AASS: variants seen among roughly 807,000 people sequenced by gnomAD.
AASS encodes the protein aminoadipate-semialdehyde synthase.
A neutral mutation model predicts 105.4 loss-of-function variants in AASS; 86 were observed. The observed-to-expected ratio is 0.82, with a 90% CI of 0.69 to 0.98. AASS has a LOEUF of 0.98. Among genes scored for constraint, AASS ranks in the 50% least tolerant of loss-of-function variants. AASS has a pLI of 0.00. For synonymous variants in AASS, 381 were observed against 394.8 expected (o/e 0.96, Z 0.41); for missense variants, 1,048 against 1,143.2 (o/e 0.92, Z 1.20).
chr7:122,080,241 A>G (rs533971197), intron 20 of AASS, among the ~76,000 whole-genome samples: 4 of 152,350 alleles, frequency 2.6e-5, no homozygotes, highest in African/African-American at 2.4e-5. Flanking sequence ...TAGGTTCCCA[A>G]AGGAAAAGCT....
intron 11 of AASS, 70 bp from the exon 12 acceptor site, chr7:122,101,750 T>C: frequency 9.0e-7 from 1 of 1,105,326 alleles, no homozygotes; most frequent in South Asian, 1.3e-5. Context: ...TTTGTATCCA[T>C]ATTAAAATAT....
chr7:122,117,181 CT>C (rs2150537648), intron 6 of AASS, among the ~76,000 whole-genome samples: 1 of 152,070 alleles, frequency 6.6e-6, no homozygotes, highest in Admixed American at 6.5e-5. Flanking sequence ...TAATTTTTTT[CT>C]TTTTTACTTA....
Position 122,101,353 on chromosome 7 carries a change from G to A in AASS, c.1406+18C>T. 10 of 1,577,526 alleles carry A rather than the reference G, an allele frequency of 6.3e-6. No homozygotes were observed. The highest frequency in any genetic ancestry group is 8.7e-6 in the Non-Finnish European group (10 of 1,147,600). On this transcript the variant is annotated intron_variant, in intron 13 of 23. Coordinates refer to ENST00000417368, the MANE Select transcript of AASS (RefSeq NM_005763.4). ...TAAGAATAAATGTATAAAACAAGAG[G>A]ATTTGAACAATACTTACCTGCTCTC...
chr7:122,140,581 T>C (rs770670706), intron 1 of AASS, among the ~76,000 whole-genome samples: 2 of 151,490 alleles, frequency 1.3e-5, no homozygotes. Flanking sequence ...CACACATTCA[T>C]TTTTGAAGAA....
chr7:122,108,497 G>A (rs953982931), intron 11 of AASS, among the ~76,000 whole-genome samples: 1 of 152,072 alleles, frequency 6.6e-6, no homozygotes, highest in African/African-American at 2.4e-5. Flanking sequence ...ATTCATTCCA[G>A]GGGTGCAAGA....
At chr7:122,120,054 G>A (rs1004720878) in intron 4 of AASS, among the ~76,000 whole-genome samples, 2 of 152,224 alleles carry the variant, frequency 1.3e-5, no homozygotes, top group East Asian at 1.9e-4. Flanking sequence ...ACTCAGCATC[G>A]TGTTTTTGAG....
chr7:122,119,032 A>T (rs1795320965), intron 4 of AASS, among the ~76,000 whole-genome samples: 1 of 152,096 alleles, frequency 6.6e-6, no homozygotes. Context: ...AACAAAAACA[A>T]ATGAACAAAC....
Position 122,133,648 on chromosome 7 carries a change from C to G in AASS, c.79G>C (p.Ala27Pro). 5 of 1,614,192 alleles carry G rather than the reference C, an allele frequency of 3.1e-6. No individual in the cohort carries two copies. Among genetic ancestry groups the G allele is most frequent in the Non-Finnish European group, 4.2e-6 (5 of 1,180,038 alleles). Residue 27 changes from alanine (A) to proline (P), a missense_variant, in exon 2 of 24, where the codon GCC (alanine) becomes CCC (proline). By Grantham distance (27) the Ala-to-Pro change is conservative. Coordinates refer to ENST00000417368, the MANE Select transcript of AASS (RefSeq NM_005763.4). Reference sequence around the variant, plus strand: ...GCGTTCACATCCTCCCTCCGGACGGCCAACACAGCTTTGTGGTGAAGACCC... The same window carrying G: ...GCGTTCACATCCTCCCTCCGGACGGGCAACACAGCTTTGTGGTGAAGACCC... ...SKGLHHKAVL[A>P]VRREDVNAWE...
chr7:122,093,065 T>C lies in AASS; in HGVS notation c.1749A>G (p.Leu583=), dbSNP rs1793982041. 3 of 1,613,958 alleles carry C rather than the reference T, an allele frequency of 1.9e-6. No individual in the cohort carries two copies. The highest frequency in any genetic ancestry group is 2.5e-6 in the Non-Finnish European group (3 of 1,179,846). Reference sequence around the variant, plus strand: ...AAACTTACCTCTTTTCCAATTCTTTTAGTGCTGGTGTGATGTAGCTTGCAG... The same window carrying C: ...AAACTTACCTCTTTTCCAATTCTTTCAGTGCTGGTGTGATGTAGCTTGCAG... ...MVTASYITPA[L]KELEKSVEDA... The change falls in exon 16 of 24, where the codon CTA becomes CTG. Residue 583 remains leucine (L), a synonymous_variant. Transcript: ENST00000417368.
Position 122,115,340 on chromosome 7 carries a change from TTTC to T in AASS, c.895-121_895-119del, listed in dbSNP as rs566770110. The T allele has an allele frequency of 9.5e-4, 1,266 of 1,326,584 alleles. 1 individual carries two copies. The highest frequency in any genetic ancestry group is 1.2e-3 in the Non-Finnish European group (1,118 of 942,964). The allele number at this position is 1,326,584 out of a possible 1,614,324, so 82.2% of individuals were successfully genotyped here. ...TAATTAAATGTAACTTCTAATTGAT[TTTC>T]TTATTGTCCATGTCAGTGTCCATCT... On this transcript the variant is annotated intron_variant, in intron 8 of 23. Coordinates refer to ENST00000417368, the MANE Select transcript of AASS (RefSeq NM_005763.4).
chr7:122,101,709 T>C (rs1794440766), intron 11 of AASS, 29 bp from the exon 12 acceptor site: 1 of 1,548,388 alleles, frequency 6.5e-7, no homozygotes, highest in Non-Finnish European at 8.9e-7. Context: ...TTGTAAGAGA[T>C]AAATGACACT....
chr7:122,114,636 A>G (rs1795082794), intron 9 of AASS, among the ~76,000 whole-genome samples: 2 of 152,216 alleles, frequency 1.3e-5, no homozygotes, highest in South Asian at 4.1e-4. Flanking sequence ...CAAAAAACAG[A>G]GTAACAGACT....
intron 11 of AASS, among the ~76,000 whole-genome samples, chr7:122,103,742 T>C (rs976359004): frequency 6.6e-6 from 1 of 151,496 alleles, no homozygotes; most frequent in African/African-American, 2.4e-5. Flanking sequence ...CTCAGAAAGG[T>C]AAAAAAGAAA....
chr7:122,104,433 T>C (rs950563682), intron 11 of AASS, among the ~76,000 whole-genome samples: 1 of 151,978 alleles, frequency 6.6e-6, no homozygotes, highest in Non-Finnish European at 1.5e-5. Flanking sequence ...CTGTCTCTAC[T>C]AAAAATACAA....
intron 2 of AASS, among the ~76,000 whole-genome samples, chr7:122,131,913 C>T (rs1795933922): frequency 1.3e-5 from 2 of 152,076 alleles, no homozygotes; most frequent in African/African-American, 4.8e-5. Context: ...GAAGGACTCA[C>T]ACTAACCAAT....
chr7:122,106,955 A>C (rs1452380193), intron 11 of AASS, among the ~76,000 whole-genome samples: 1 of 152,142 alleles, frequency 6.6e-6, no homozygotes, highest in Non-Finnish European at 1.5e-5. Context: ...CAGAGTAAAC[A>C]ATCTACAGAA....
intron 1 of AASS, among the ~76,000 whole-genome samples, chr7:122,139,123 A>G (rs2150558375): frequency 1.3e-5 from 2 of 152,358 alleles, no homozygotes; most frequent in Middle Eastern, 3.4e-3. Flanking sequence ...TCATTTGCTT[A>G]TAGCACAAAT....
At chr7:122,095,238 C>T (rs1229138594) in intron 15 of AASS, among the ~76,000 whole-genome samples, 1 of 152,078 alleles carries the variant, frequency 6.6e-6, no homozygotes, top group African/African-American at 2.4e-5. Flanking sequence ...TAAAAATCCA[C>T]ATGGTGAACA....
intron 1 of AASS, among the ~76,000 whole-genome samples, chr7:122,143,906 C>T (rs191685833): frequency 6.6e-6 from 1 of 152,226 alleles, no homozygotes; most frequent in South Asian, 2.1e-4. Context: ...TGACCGCTCT[C>T]CCTCCCTTCC....
Sources: gnomAD v4.1 joint callset for allele counts (sites outside exome capture counted in the v4.1 genomes callset) on GRCh38, gnomAD v4.1.1 for gene constraint, MANE v1.5 for transcripts, NCBI Gene and HGNC (gene_info 2026-07-23, HGNC 2026-07-21) for gene names.